Variants in RSRC1 observed in about 807,000 individuals in gnomAD.
RSRC1 encodes arginine and serine rich coiled-coil 1, also known as serine/Arginine-related protein 53.
RSRC1 carries 39 observed loss-of-function variants against 49.1 expected under a neutral mutation model. That is an observed-to-expected ratio of 0.79 (90% CI 0.61 to 1.04). RSRC1 has a LOEUF of 1.04. Ranked by LOEUF, RSRC1 falls within the 50% of genes least tolerant of loss-of-function variation. The probability of loss-of-function intolerance (pLI) is 0.00; values close to 1 mark genes in which losing one functional copy is unlikely to be tolerated. For missense variants in RSRC1, 388 were observed against 402.4 expected (o/e 0.96, Z 0.31); for synonymous variants, 143 against 130.8 (o/e 1.09, Z -0.63).
intron 3 of RSRC1, among the ~76,000 whole-genome samples, chr3:158,180,438 G>GTGTGTGTGTGTGTGTGTT (rs1719523199): frequency 7.9e-6 from 1 of 126,152 alleles, no homozygotes; most frequent in East Asian, 2.2e-4. Flanking sequence ...GTGTGTGTGT[G>GTGTGTGTGTGTGTGTGTT]TGTGTGTGTG....
intron 7 of RSRC1, among the ~76,000 whole-genome samples, chr3:158,470,153 G>A (rs959661241): frequency 2.0e-5 from 3 of 151,940 alleles, no homozygotes; most frequent in African/African-American, 4.8e-5. Flanking sequence ...TTTCTAAATA[G>A]AAGATTTTAT....
At chr3:158,487,211 C>T (rs1738847342) in intron 7 of RSRC1, among the ~76,000 whole-genome samples, 1 of 152,120 alleles carries the variant, frequency 6.6e-6, no homozygotes, top group Non-Finnish European at 1.5e-5. Flanking sequence ...TTACCACATA[C>T]TACAAGAATG....
At chr3:158,325,964 C>T (rs1729107119) in intron 5 of RSRC1, among the ~76,000 whole-genome samples, 1 of 152,100 alleles carries the variant, frequency 6.6e-6, no homozygotes, top group African/African-American at 2.4e-5. Context: ...AAGTTGGATT[C>T]CTAGGTATTT....
chr3:158,432,991 T>C (rs1735853763), intron 6 of RSRC1, among the ~76,000 whole-genome samples: 1 of 151,916 alleles, frequency 6.6e-6, no homozygotes. Flanking sequence ...CGTAAGTTAA[T>C]TTAATAACAC....
chr3:158,430,522 C>A (rs1735726349), intron 6 of RSRC1, among the ~76,000 whole-genome samples: 1 of 151,746 alleles, frequency 6.6e-6, no homozygotes, highest in South Asian at 2.1e-4. Context: ...AACTGGTGTC[C>A]AGACTAATGT....
intron 5 of RSRC1, among the ~76,000 whole-genome samples, chr3:158,329,696 G>C (rs1157061798): frequency 6.6e-6 from 1 of 152,236 alleles, no homozygotes; most frequent in African/African-American, 2.4e-5. Context: ...GGACCCACTT[G>C]AGACAGTCTG....
chr3:158,311,263 T>A (rs548419566), intron 5 of RSRC1, among the ~76,000 whole-genome samples: 4 of 152,034 alleles, frequency 2.6e-5, no homozygotes, highest in Non-Finnish European at 5.9e-5. Context: ...CTCATGTTTG[T>A]ACTGCTTATA....
intron 6 of RSRC1, among the ~76,000 whole-genome samples, chr3:158,445,307 T>A (rs1736639596): frequency 6.6e-6 from 1 of 152,098 alleles, no homozygotes; most frequent in Non-Finnish European, 1.5e-5. Context: ...ATACACCCCA[T>A]GAAATACTAT....
intron 4 of RSRC1, among the ~76,000 whole-genome samples, chr3:158,250,844 A>G (rs567444792): frequency 6.6e-6 from 1 of 152,274 alleles, no homozygotes; most frequent in Admixed American, 6.5e-5. Flanking sequence ...AACTTGATGT[A>G]ATAACATTTG....
intron 5 of RSRC1, among the ~76,000 whole-genome samples, chr3:158,315,979 C>G (rs985280052): frequency 5.9e-5 from 9 of 151,932 alleles, no homozygotes; most frequent in African/African-American, 2.2e-4. Context: ...TGAGACCAGC[C>G]TGGCCAACAT....
intron 5 of RSRC1, among the ~76,000 whole-genome samples, chr3:158,354,183 G>T (rs1461321845): frequency 6.6e-6 from 1 of 151,806 alleles, no homozygotes; most frequent in East Asian, 1.9e-4. Context: ...TAGAGATGGG[G>T]TTTCACCATG....
intron 4 of RSRC1, among the ~76,000 whole-genome samples, chr3:158,206,767 A>C (rs1042113346): frequency 5.9e-5 from 9 of 152,088 alleles, no homozygotes; most frequent in Non-Finnish European, 4.4e-5. Flanking sequence ...TACAAAAATT[A>C]GCTGGGCATA....
At chr3:158,304,049 T>A (rs1006480573) in intron 5 of RSRC1, among the ~76,000 whole-genome samples, 13 of 152,326 alleles carry the variant, frequency 8.5e-5, no homozygotes, top group African/African-American at 3.1e-4. Flanking sequence ...GTGGGTTTTG[T>A]CTCTCCACAG....
intron 7 of RSRC1, among the ~76,000 whole-genome samples, chr3:158,498,700 C>T (rs1351144798): frequency 1.3e-5 from 2 of 152,138 alleles, no homozygotes; most frequent in Non-Finnish European, 2.9e-5. Context: ...TTTATAGTTT[C>T]AGGTCTTAGA....
intron 6 of RSRC1, among the ~76,000 whole-genome samples, chr3:158,380,358 G>C (rs1732634825): frequency 6.6e-6 from 1 of 152,128 alleles, no homozygotes. Flanking sequence ...TACTCAGGAA[G>C]CTGAGGCTGG....
chr3:158,200,123 C>T (rs1042238651), intron 3 of RSRC1, among the ~76,000 whole-genome samples: 2 of 152,104 alleles, frequency 1.3e-5, no homozygotes, highest in African/African-American at 4.8e-5. Flanking sequence ...CTGCAAGCTC[C>T]GTCTCCCAGG....
chr3:158,273,565 T>A (rs1630304), intron 4 of RSRC1, among the ~76,000 whole-genome samples: 1 of 151,826 alleles, frequency 6.6e-6, no homozygotes, highest in Non-Finnish European at 1.5e-5. Context: ...ATGTTAGCAC[T>A]GAGGCCTATT....
intron 5 of RSRC1, among the ~76,000 whole-genome samples, chr3:158,339,499 A>C (rs904029170): frequency 2.0e-5 from 3 of 152,130 alleles, no homozygotes; most frequent in African/African-American, 7.2e-5. Context: ...TTTATAATGT[A>C]GATTACGTGG....
chr3:158,418,275 A>G (rs1369984780), intron 6 of RSRC1, among the ~76,000 whole-genome samples: 2 of 152,016 alleles, frequency 1.3e-5, no homozygotes, highest in Non-Finnish European at 2.9e-5. Context: ...GCAACATAGT[A>G]AAGTAAAGTC....
Sources: allele counts gnomAD v4.1 joint callset (sites outside exome capture counted in the v4.1 genomes callset), GRCh38; gene constraint gnomAD v4.1.1; transcripts MANE v1.5; gene names NCBI Gene and HGNC (gene_info 2026-07-23, HGNC 2026-07-21).